TENM2: variants seen among roughly 807,000 people sequenced by gnomAD.
TENM2 encodes teneurin transmembrane protein 2, also known as teneurin-2.
In TENM2, 52 loss-of-function variants were observed where a neutral mutation model predicts 245.2. That is an observed-to-expected ratio of 0.21 (90% CI 0.17 to 0.27). TENM2 has a LOEUF of 0.27. TENM2 is among the 10% of genes least tolerant of loss of function. The pLI is 1.00. For synonymous variants in TENM2, 1,363 were observed against 1,438.9 expected (o/e 0.95, Z 1.19); for missense variants, 3,046 against 3,666.8 (o/e 0.83, Z 4.37).
At chr5:168,177,535 A>G (rs530634806) in intron 13 of TENM2, among the ~76,000 whole-genome samples, 2 of 152,318 alleles carry the variant, frequency 1.3e-5, no homozygotes, top group African/African-American at 4.8e-5. Context: ...ACCATAGAGT[A>G]GATGCGAAGA....
At chr5:167,033,634 A>G in the TENM2 span, among the ~76,000 whole-genome samples, 126 of 152,218 alleles carry the variant, frequency 8.3e-4, no homozygotes, top group Non-Finnish European at 2.2e-4. Flanking sequence ...AATTTTGTAC[A>G]GTCGCTTCCC....
At chr5:168,035,246 G>A (rs959609430) in intron 5 of TENM2, among the ~76,000 whole-genome samples, 3 of 152,130 alleles carry the variant, frequency 2.0e-5, no homozygotes, top group Non-Finnish European at 2.9e-5. Context: ...AGTGGCTCAC[G>A]CCTGTAATCC....
At chr5:167,257,258 T>TTA in the TENM2 span, among the ~76,000 whole-genome samples, 1 of 152,144 alleles carries the variant, frequency 6.6e-6, no homozygotes, top group Non-Finnish European at 1.5e-5. Context: ...TAATGATTTA[T>TTA]TAATCTGCTT....
At chr5:167,311,618 A>T (rs370037000) in intron 1 of TENM2, among the ~76,000 whole-genome samples, 1 of 152,198 alleles carries the variant, frequency 6.6e-6, no homozygotes, top group African/African-American at 2.4e-5. Context: ...ATATTATAAT[A>T]GTTCAGTGAA....
At chr5:167,992,463 C>T (rs897511864) in intron 4 of TENM2, among the ~76,000 whole-genome samples, 6 of 152,146 alleles carry the variant, frequency 3.9e-5, no homozygotes, top group African/African-American at 1.4e-4. Context: ...TTCATGGTTG[C>T]ATAATATTCC....
At chr5:167,552,536 G>A (rs1049217713) in intron 2 of TENM2, among the ~76,000 whole-genome samples, 12 of 151,826 alleles carry the variant, frequency 7.9e-5, no homozygotes, top group African/African-American at 2.9e-4. Context: ...CCAACCCGCC[G>A]CCCACAAAAA....
At chr5:167,247,148 A>G in the TENM2 span, among the ~76,000 whole-genome samples, 10 of 152,144 alleles carry the variant, frequency 6.6e-5, no homozygotes. Context: ...CTCCCAAACA[A>G]CAACGCAAGA....
At chr5:167,121,235 T>C in the TENM2 span, among the ~76,000 whole-genome samples, 1 of 152,008 alleles carries the variant, frequency 6.6e-6, no homozygotes, top group South Asian at 2.1e-4. Context: ...ACTAAATGAA[T>C]AAGTAAGATC....
chr5:167,126,670 T>G, the TENM2 span, among the ~76,000 whole-genome samples: 1 of 152,190 alleles, frequency 6.6e-6, no homozygotes, highest in African/African-American at 2.4e-5. Context: ...ACCAGATAGA[T>G]CTGCTTGGAA....
At position 168,036,677 on chromosome 5, in the gene TENM2, G is replaced by GTATATATATATA. The variant is rs60784450; in HGVS notation, c.1187-10738_1187-10727dup. Among the ~76,000 whole-genome samples, 533 of 117,764 alleles carry GTATATATATATA rather than the reference G, an allele frequency of 4.5e-3. 23 individuals carry two copies. Among genetic ancestry groups the GTATATATATATA allele is most frequent in the African/African-American group, 0.016 (478 of 29,500 alleles). The allele number at this position is 117,764 out of a possible 152,430, so 77.3% of individuals were successfully genotyped here. ...ATATATATATATAATATATGTATGTGTATATATATATATATATATATATGT... is the reference window on the plus strand; with the variant it reads ...ATATATATATATAATATATGTATGTGTATATATATATATATATATATATATATATATATATGT... On this transcript the variant is annotated intron_variant, in intron 5 of 28. Transcript: ENST00000518659.
At position 168,103,560 on chromosome 5, in the gene TENM2, G is replaced by C. The variant is rs539049488; in HGVS notation, c.1813+5433G>C. ...TCAGGTATTTTGTGGAGTGTCTCTC[G>C]GTATGGGTCTGTCTGATATTTTCCG... On this transcript the variant is annotated intron_variant, in intron 9 of 28. Transcript: ENST00000518659. Among the ~76,000 whole-genome samples the C allele has an allele frequency of 4.6e-5, 7 of 152,006 alleles. No homozygotes were observed. In the South Asian group the frequency reaches 8.3e-4, roughly 18 times the overall value.
At chr5:167,448,399 G>A (rs958571494) in intron 2 of TENM2, among the ~76,000 whole-genome samples, 1 of 151,612 alleles carries the variant, frequency 6.6e-6, no homozygotes, top group African/African-American at 2.4e-5. Flanking sequence ...GCGTCTGTCT[G>A]TCTCCAGTTG....
intron 3 of TENM2, among the ~76,000 whole-genome samples, chr5:167,936,150 G>A (rs1778695014): frequency 6.6e-6 from 1 of 152,150 alleles, no homozygotes; most frequent in Non-Finnish European, 1.5e-5. Flanking sequence ...GGTTGGGAAG[G>A]TCTGTAATTT....
At chr5:167,712,644 C>T (rs1375056266) in intron 2 of TENM2, among the ~76,000 whole-genome samples, 2 of 152,034 alleles carry the variant, frequency 1.3e-5, no homozygotes, top group Non-Finnish European at 2.9e-5. Flanking sequence ...ACTCAATAAT[C>T]CTATTCAGAA....
At chr5:166,985,990 A>G in the TENM2 span, among the ~76,000 whole-genome samples, 1 of 152,216 alleles carries the variant, frequency 6.6e-6, no homozygotes, top group South Asian at 2.1e-4. Flanking sequence ...TAGATGTTCA[A>G]AGGTGTGTGT....
chr5:167,392,876 C>T (rs956240674), intron 2 of TENM2, among the ~76,000 whole-genome samples: 6 of 152,070 alleles, frequency 3.9e-5, no homozygotes, highest in Non-Finnish European at 7.4e-5. Flanking sequence ...AAACTAGAAA[C>T]ACATTTTCCT....
chr5:168,255,082 A>G (rs575587128), intron 27 of TENM2, among the ~76,000 whole-genome samples: 1 of 152,062 alleles, frequency 6.6e-6, no homozygotes, highest in South Asian at 2.1e-4. Context: ...AAAAGAAAAA[A>G]GGACAAGGAC....
intron 7 of TENM2, among the ~76,000 whole-genome samples, chr5:168,087,703 C>T (rs998690505): frequency 6.6e-6 from 1 of 152,064 alleles, no homozygotes; most frequent in Non-Finnish European, 1.5e-5. Flanking sequence ...CCTTACTCTT[C>T]ACCACCCTAC....
exon 4 of TENM2, chr5:167,952,589 C>T (rs763411962): frequency 1.1e-5 from 17 of 1,602,284 alleles, no homozygotes; most frequent in Non-Finnish European, 1.4e-5. Context: ...TTTTTTCAGG[C>T]CCTCCGAACC....
Sources: gnomAD v4.1 joint callset for allele counts (sites outside exome capture counted in the v4.1 genomes callset) on GRCh38, gnomAD v4.1.1 for gene constraint, MANE v1.5 for transcripts, NCBI Gene and HGNC (gene_info 2026-07-23, HGNC 2026-07-21) for gene names.